The following HECW1 variants were observed in gnomAD, a reference collection of about 807,000 sequenced individuals.
The protein encoded by HECW1 is E3 ubiquitin-protein ligase HECW1.
A neutral mutation model predicts 182.3 loss-of-function variants in HECW1; 61 were observed. The observed-to-expected ratio is 0.33, with a 90% CI of 0.27 to 0.41. The LOEUF (loss-of-function observed/expected upper bound fraction) is 0.41. HECW1 is among the 10% of genes least tolerant of loss of function. The pLI, the probability that HECW1 is intolerant of heterozygous loss-of-function variation, is 1.00. For synonymous variants in HECW1, 859 were observed against 832.6 expected, an observed-to-expected ratio of 1.03 and a Z score of -0.55; for missense variants, 1,739 against 2,108.9, an observed-to-expected ratio of 0.82 and a Z score of 3.44.
At position 43,541,925 on chromosome 7, in the gene HECW1, A is replaced by G; in HGVS notation, c.4175A>G (p.Gln1392Arg). The change falls in exon 26 of 30, where the codon CAG becomes CGG. Residue 1392 changes from glutamine (Q) to arginine (R), a missense_variant. Coordinates refer to ENST00000395891, the MANE Select transcript of HECW1 (RefSeq NM_015052.5). ...GATGAGGAATTCCACCAGAGTTTGC[A>G]GTGGATGAAGGACAACAACATCACA... The part of the protein sequence containing the change: ...YLDEEFHQSL[Q>R]WMKDNNITDI... 1 of 1,562,654 alleles carries G rather than the reference A, an allele frequency of 6.4e-7. No individual in the cohort carries two copies. Among genetic ancestry groups the G allele is most frequent in the South Asian group, 1.2e-5 (1 of 82,140 alleles).
Position 43,181,686 on chromosome 7 carries a change from G to A in HECW1, c.-31-62189G>A, listed in dbSNP as rs150886183. ...TTCATTTTAAAATTGAATTATTTGG[G>A]TTCTTTGCTATTGAGTTGTTTGAGT... On this transcript the variant is annotated intron_variant, in intron 2 of 29. Transcript: ENST00000395891. 6.0e-5 allele frequency among the ~76,000 whole-genome samples: 9 copies of A among 150,854 alleles called. 1 individual carries two copies. Among genetic ancestry groups the A allele is most frequent in the African/African-American group, 2.0e-4 (8 of 40,254 alleles).
chr7:43,541,069 T>C (rs2081347558), intron 24 of HECW1, 94 bp from the exon 25 acceptor site: 1 of 974,448 alleles, frequency 1.0e-6, no homozygotes, highest in East Asian at 2.4e-5. Flanking sequence ...CAGCTTAAGA[T>C]GAATGCTCAA....
At chr7:43,275,725 C>T (rs1198256124) in intron 3 of HECW1, among the ~76,000 whole-genome samples, 1 of 152,064 alleles carries the variant, frequency 6.6e-6, no homozygotes, top group Non-Finnish European at 1.5e-5. Flanking sequence ...CACACACACA[C>T]ACACACTACC....
intron 2 of HECW1, among the ~76,000 whole-genome samples, chr7:43,185,940 G>A (rs185329169): frequency 3.3e-5 from 5 of 152,174 alleles, no homozygotes; most frequent in South Asian, 2.1e-4. Flanking sequence ...AGGCAGTGTC[G>A]GCTGGCTCCA....
intron 7 of HECW1, among the ~76,000 whole-genome samples, chr7:43,399,959 G>A (rs2075351813): frequency 6.6e-6 from 1 of 152,174 alleles, no homozygotes; most frequent in South Asian, 2.1e-4. Context: ...CATGCAGCCA[G>A]GCATGGTGGC....
intron 14 of HECW1, 103 bp from the exon 15 acceptor site, chr7:43,466,344 G>A: frequency 8.5e-7 from 1 of 1,171,108 alleles, no homozygotes; most frequent in Non-Finnish European, 1.2e-6. Context: ...ACAGTCTGCT[G>A]TGTGGGTGAA....
At chr7:43,181,651 A>G (rs1310479071) in intron 2 of HECW1, among the ~76,000 whole-genome samples, 1 of 150,880 alleles carries the variant, frequency 6.6e-6, no homozygotes, top group Non-Finnish European at 1.5e-5. Flanking sequence ...ATGTCTATTC[A>G]GATCTTTTGT....
intron 5 of HECW1, among the ~76,000 whole-genome samples, chr7:43,345,134 G>A (rs1262983056): frequency 1.3e-5 from 2 of 152,202 alleles, no homozygotes; most frequent in Admixed American, 6.5e-5. Flanking sequence ...GGTTGGCCAA[G>A]TATACATATT....
chr7:43,385,938 G>A (rs2074775799), intron 6 of HECW1, among the ~76,000 whole-genome samples: 1 of 152,214 alleles, frequency 6.6e-6, no homozygotes, highest in South Asian at 2.1e-4. Flanking sequence ...GCCAGGCTGA[G>A]TTCTCATCTG....
chr7:43,327,464 T>C (rs1463979761), intron 5 of HECW1, among the ~76,000 whole-genome samples: 1 of 152,172 alleles, frequency 6.6e-6, no homozygotes, highest in Admixed American at 6.5e-5. Context: ...GTTTCTTAAA[T>C]TTTAGGAAAA....
chr7:43,237,840 G>A (rs111882544), intron 2 of HECW1, among the ~76,000 whole-genome samples: 28,802 of 144,634 alleles, frequency 0.2, 3,852 homozygotes, highest in African/African-American at 0.39. Context: ...TTTCCCCCCC[G>A]CCGCCCCCAC....
intron 2 of HECW1, among the ~76,000 whole-genome samples, chr7:43,134,263 G>A (rs1011240855): frequency 1.3e-4 from 19 of 151,596 alleles, no homozygotes; most frequent in African/African-American, 4.6e-4. Context: ...GCGTGGTGGT[G>A]CATGCCTGTA....
At chr7:43,513,433 T>A (rs1438661999) in intron 24 of HECW1, among the ~76,000 whole-genome samples, 1 of 152,314 alleles carries the variant, frequency 6.6e-6, no homozygotes, top group East Asian at 1.9e-4. Flanking sequence ...TGACAGTGTG[T>A]CCTTCCTCTG....
At chr7:43,197,698 G>A (rs976353655) in intron 2 of HECW1, among the ~76,000 whole-genome samples, 2 of 152,162 alleles carry the variant, frequency 1.3e-5, no homozygotes, top group African/African-American at 4.8e-5. Context: ...GGTGAGGTGA[G>A]GGGGATGTCA....
chr7:43,438,222 A>G, intron 9 of HECW1, 77 bp downstream of exon 9: 1 of 1,245,570 alleles, frequency 8.0e-7, no homozygotes, highest in East Asian at 2.4e-5. Flanking sequence ...TGTAGGCTGC[A>G]ATAGTATAGT....
chr7:43,328,066 G>A (rs1308687931), intron 5 of HECW1, among the ~76,000 whole-genome samples: 4 of 151,384 alleles, frequency 2.6e-5, no homozygotes, highest in Admixed American at 2.6e-4. Flanking sequence ...ACCTATAATC[G>A]TAGCATTTTG....
chr7:43,167,474 C>T (rs1303571843), intron 2 of HECW1, among the ~76,000 whole-genome samples: 1 of 152,166 alleles, frequency 6.6e-6, no homozygotes, highest in East Asian at 1.9e-4. Flanking sequence ...AAGGGATCCA[C>T]TATTCAACAA....
chr7:43,293,329 T>C (rs1805653766), intron 3 of HECW1, among the ~76,000 whole-genome samples: 1 of 152,162 alleles, frequency 6.6e-6, no homozygotes, highest in African/African-American at 2.4e-5. Context: ...CAGAATCTTC[T>C]TGGGTTCAAA....
At chr7:43,247,153 G>C (rs1799449171) in intron 3 of HECW1, among the ~76,000 whole-genome samples, 1 of 152,216 alleles carries the variant, frequency 6.6e-6, no homozygotes, top group Non-Finnish European at 1.5e-5. Context: ...GTTTAGCTCT[G>C]TTTTGACTAC....
Sources: gnomAD v4.1 joint callset for allele counts (sites outside exome capture counted in the v4.1 genomes callset) on GRCh38, gnomAD v4.1.1 for gene constraint, MANE v1.5 for transcripts, NCBI Gene and HGNC (gene_info 2026-07-23, HGNC 2026-07-21) for gene names.